The following GUCA1C variants were observed in gnomAD, a reference collection of about 807,000 sequenced individuals.
GUCA1C encodes the protein guanylate cyclase activator 1C.
Under a neutral mutation model 16.2 loss-of-function variants are expected in GUCA1C, and 15 were observed. The observed-to-expected ratio is 0.93, with a 90% confidence interval of 0.62 to 1.43. GUCA1C has a LOEUF of 1.43. Among genes scored for constraint, GUCA1C ranks in the 40% most tolerant of loss-of-function variants. The pLI is 0.00. For synonymous variants in GUCA1C, 78 were observed against 85.4 expected (o/e 0.91, Z 0.48); for missense variants, 275 against 244.8 (o/e 1.12, Z -0.82).
At chr3:108,946,554 A>G (rs1364890199) in intron 1 of GUCA1C, among the ~76,000 whole-genome samples, 2 of 152,224 alleles carry the variant, frequency 1.3e-5, no homozygotes, top group African/African-American at 4.8e-5. Flanking sequence ...AACCTAGCAG[A>G]CAATTCACTA....
intron 1 of GUCA1C, 87 bp from the exon 2 acceptor site, chr3:108,920,672 CT>C: frequency 1.4e-6 from 1 of 710,726 alleles, no homozygotes; most frequent in Non-Finnish European, 2.4e-6. Context: ...TGAGCAGGGC[CT>C]TTAGTATAAC....
At chr3:108,939,568 C>A (rs1344979975) in intron 1 of GUCA1C, among the ~76,000 whole-genome samples, 2 of 151,408 alleles carry the variant, frequency 1.3e-5, no homozygotes, top group East Asian at 3.9e-4. Context: ...CTCAGGTGAT[C>A]CACCAGCCTC....
intron 1 of GUCA1C, among the ~76,000 whole-genome samples, chr3:108,943,845 A>G (rs1946815993): frequency 6.6e-6 from 1 of 152,110 alleles, no homozygotes; most frequent in Non-Finnish European, 1.5e-5. Flanking sequence ...CTCATAGCTT[A>G]GCTCCCACAT....
Position 108,920,427 on chromosome 3 carries a change from T to C in GUCA1C, c.354+9A>G, listed in dbSNP as rs1229228209. ...CGGCCTGAAAAGGATACTTTACTAC[T>C]TCACTTACCATGAACATGTCCAGTA... On this transcript the variant is annotated intron_variant, in intron 2 of 3. Coordinates refer to ENST00000261047, the MANE Select transcript of GUCA1C (RefSeq NM_005459.4). 6.2e-7 allele frequency: 1 copy of C among 1,602,874 alleles called. No individual in the cohort carries two copies. Among genetic ancestry groups the C allele is most frequent in the East Asian group, 2.2e-5 (1 of 44,758 alleles).
At chr3:108,937,921 CTT>C (rs1946744843) in intron 1 of GUCA1C, among the ~76,000 whole-genome samples, 1 of 151,986 alleles carries the variant, frequency 6.6e-6, no homozygotes, top group African/African-American at 2.4e-5. Context: ...AAATACAAAA[CTT>C]AGCGGGGCGT....
At chr3:108,915,933 T>C (rs537258095) in intron 3 of GUCA1C, 194 bp downstream of exon 3, 7 of 611,106 alleles carry the variant, frequency 1.1e-5, no homozygotes, top group African/African-American at 3.7e-5. Flanking sequence ...GCACCACACA[T>C]TGGAAATGAA....
intron 1 of GUCA1C, among the ~76,000 whole-genome samples, chr3:108,929,940 T>C (rs1013949489): frequency 6.6e-6 from 1 of 152,250 alleles, no homozygotes; most frequent in Non-Finnish European, 1.5e-5. Context: ...TTTGTCGTAT[T>C]CATCAATCTT....
At chr3:108,909,175 A>G (rs111316211) in intron 3 of GUCA1C, among the ~76,000 whole-genome samples, 1 of 152,240 alleles carries the variant, frequency 6.6e-6, no homozygotes, top group African/African-American at 2.4e-5. Context: ...ATCATCATAT[A>G]TTCGTAAGAC....
chr3:108,908,323 A>C, intron 3 of GUCA1C, 114 bp from the exon 4 acceptor site: 1 of 473,884 alleles, frequency 2.1e-6, no homozygotes, highest in Non-Finnish European at 3.5e-6. Flanking sequence ...CCCCTCAACC[A>C]GACTCTAAGA....
rs71629371 is a variant in GUCA1C at position 108,934,808 on chromosome 3, C to CTTTTTTTTTT, written c.205-14233_205-14224dup. Among the ~76,000 whole-genome samples the CTTTTTTTTTT allele has an allele frequency of 5.5e-3, 477 of 86,102 alleles. 34 individuals are homozygous for CTTTTTTTTTT. The highest frequency in any genetic ancestry group is 6.0e-3 in the Non-Finnish European group (298 of 49,748). 56.5% of individuals were successfully genotyped at this position (86,102 alleles called of 152,430 possible). On this transcript the variant is annotated intron_variant, in intron 1 of 3. Coordinates refer to ENST00000261047, the MANE Select transcript of GUCA1C (RefSeq NM_005459.4). ...ACATATTCTCACTTATGTTCTTGATCTTTTTTTTTTTTTTTTTTTTTTTGA... is the reference window on the plus strand; with the variant it reads ...ACATATTCTCACTTATGTTCTTGATCTTTTTTTTTTTTTTTTTTTTTTTTTTTTTTTTTGA...
intron 1 of GUCA1C, among the ~76,000 whole-genome samples, chr3:108,927,813 G>A (rs899486244): frequency 7.9e-5 from 12 of 152,124 alleles, no homozygotes; most frequent in Admixed American, 7.9e-4. Flanking sequence ...TATCAGAATT[G>A]TTTTTCTGGT....
chr3:108,940,389 A>G lies in GUCA1C; in HGVS notation c.204+13170T>C, dbSNP rs570175476. On this transcript the variant is annotated intron_variant, in intron 1 of 3. Transcript: ENST00000261047. ...GTTAAAAGGCATGTTGCCTGCTCCA[A>G]TTTTTAAGGGCTCCTATACAAAGAA... 5.9e-5 allele frequency among the ~76,000 whole-genome samples: 9 copies of G among 152,310 alleles called. No individual in the cohort carries two copies. The East Asian group carries it at 1.4e-3, about 23-fold the overall frequency.
chr3:108,912,122 A>AATAATAATAATCATCATC (rs762101057), intron 3 of GUCA1C, among the ~76,000 whole-genome samples: 9 of 147,744 alleles, frequency 6.1e-5, no homozygotes, highest in Non-Finnish European at 1.3e-4. Flanking sequence ...TAATAATAAT[A>AATAATAATAATCATCATC]ATCACCCTTT....
intron 1 of GUCA1C, among the ~76,000 whole-genome samples, chr3:108,945,378 C>CA (rs1946834214): frequency 6.6e-6 from 1 of 152,240 alleles, no homozygotes; most frequent in African/African-American, 2.4e-5. Flanking sequence ...CCCATCATCT[C>CA]ACCTGGTTTA....
At chr3:108,931,192 T>C (rs553891320) in intron 1 of GUCA1C, among the ~76,000 whole-genome samples, 1 of 152,248 alleles carries the variant, frequency 6.6e-6, no homozygotes, top group Non-Finnish European at 1.5e-5. Flanking sequence ...ATGGTCTGTT[T>C]CACTTTACAA....
chr3:108,949,900 T>A (rs1205431923), intron 1 of GUCA1C, among the ~76,000 whole-genome samples: 6 of 152,252 alleles, frequency 3.9e-5, no homozygotes, highest in Non-Finnish European at 5.9e-5. Flanking sequence ...GGTGAGAACA[T>A]CCAAGATTTT....
chr3:108,923,539 T>C (rs928451657), intron 1 of GUCA1C, among the ~76,000 whole-genome samples: 1 of 152,202 alleles, frequency 6.6e-6, no homozygotes, highest in Non-Finnish European at 1.5e-5. Context: ...TGCCATGCTG[T>C]TTGGTTGACT....
chr3:108,929,574 G>C (rs1043095794), intron 1 of GUCA1C, among the ~76,000 whole-genome samples: 1 of 152,032 alleles, frequency 6.6e-6, no homozygotes, highest in Non-Finnish European at 1.5e-5. Flanking sequence ...TAAGTATAAG[G>C]CTTACTGTCA....
rs762674581 is a variant in GUCA1C at position 108,908,018 on chromosome 3, A to C, written c.*4T>G. ...ATTGATAGCTGGGACAGGTATTCTC[A>C]CAGCTACTTCATTTTCACCTTCCCT... On this transcript the variant is annotated 3_prime_UTR_variant, in exon 4 of 4. Coordinates refer to ENST00000261047, the MANE Select transcript of GUCA1C (RefSeq NM_005459.4). The C allele has an allele frequency of 1.4e-5, 23 of 1,604,252 alleles. No homozygotes were observed. In the African/African-American group the frequency reaches 1.7e-4, roughly 12 times the overall value.
Sources: gnomAD v4.1 joint callset for allele counts (sites outside exome capture counted in the v4.1 genomes callset) on GRCh38, gnomAD v4.1.1 for gene constraint, MANE v1.5 for transcripts, NCBI Gene and HGNC (gene_info 2026-07-23, HGNC 2026-07-21) for gene names.